ZBTB20: variants seen among roughly 807,000 people sequenced by gnomAD.
ZBTB20 encodes zinc finger and BTB domain-containing protein 20.
In ZBTB20, 9 loss-of-function variants were observed where a neutral mutation model predicts 56.9. The ratio of observed to expected loss-of-function variants is 0.16; its 90% CI spans 0.10 to 0.28. The LOEUF is 0.28. Ranked by LOEUF, ZBTB20 falls within the 10% of genes least tolerant of loss-of-function variation. The pLI is 1.00. For missense variants in ZBTB20, 655 were observed against 1,003.0 expected (o/e 0.65, Z 4.69); for synonymous variants, 417 against 420.7 (o/e 0.99, Z 0.11).
At chr3:114,499,879 G>C (rs1198042191) in intron 7 of ZBTB20, among the ~76,000 whole-genome samples, 1 of 151,940 alleles carries the variant, frequency 6.6e-6, no homozygotes, top group Non-Finnish European at 1.5e-5. Context: ...TTATTTTACA[G>C]TCTTGTACTT....
chr3:114,478,854 G>C (rs2041179095), intron 7 of ZBTB20, among the ~76,000 whole-genome samples: 3 of 152,086 alleles, frequency 2.0e-5, no homozygotes. Context: ...TTTATTCTGG[G>C]TTTAGGGAGG....
Position 114,339,607 on chromosome 3 carries a change from C to T in ZBTB20, c.1805-181G>A, listed in dbSNP as rs1296122417. On this transcript the variant is annotated intron_variant, in intron 11 of 11. Coordinates refer to ENST00000675478, the MANE Select transcript of ZBTB20 (RefSeq NM_001348800.3). This position sits in a 1 kb window ranked among gnomAD's most constrained non-coding sequence, Gnocchi z 4.2. Reference sequence around the variant, plus strand: ...CCAGGCCCTCCTAGCCTCTCATGTGCAGAGAAATTTTGCTTTATGGTGATG... The same window carrying T: ...CCAGGCCCTCCTAGCCTCTCATGTGTAGAGAAATTTTGCTTTATGGTGATG... Among the ~76,000 whole-genome samples, 2 of 152,184 alleles carry T rather than the reference C, an allele frequency of 1.3e-5. No individual in the cohort carries two copies. Among genetic ancestry groups the T allele is most frequent in the African/African-American group, 2.4e-5 (1 of 41,432 alleles).
At chr3:114,819,974 G>A (rs750298968) in intron 4 of ZBTB20, among the ~76,000 whole-genome samples, 112 of 151,770 alleles carry the variant, frequency 7.4e-4, no homozygotes, top group Non-Finnish European at 1.1e-3. Context: ...TATTTTGCCT[G>A]CAATTTGTCA....
In ZBTB20 at chr3:114,320,317, A is replaced by G. The variant is rs2078849799; in HGVS notation, c.*18688T>C. On this transcript the variant is annotated 3_prime_UTR_variant, in exon 12 of 12. Coordinates refer to ENST00000675478, the MANE Select transcript of ZBTB20 (RefSeq NM_001348800.3). ...TCCAATTTTATTTCCAGTGCATTAA[A>G]CAAATTTTAAATTAAAAGAAGAAAT... The G allele has an allele frequency of 6.6e-6, 1 of 152,176 alleles. No individual in the cohort carries two copies. Among genetic ancestry groups the G allele is most frequent in the African/African-American group, 2.4e-5 (1 of 41,452 alleles). 9.4% of individuals were successfully genotyped at this position (152,176 alleles called of 1,614,324 possible).
chr3:114,970,576 A>C (rs1038813762), intron 3 of ZBTB20, among the ~76,000 whole-genome samples: 1 of 152,212 alleles, frequency 6.6e-6, no homozygotes, highest in African/African-American at 2.4e-5. Context: ...AAAGCAAATA[A>C]GGTAAATGAT....
chr3:114,495,657 GTGTT>G (rs1400670279), intron 7 of ZBTB20, among the ~76,000 whole-genome samples: 4 of 151,942 alleles, frequency 2.6e-5, no homozygotes, highest in African/African-American at 7.3e-5. Flanking sequence ...TAGTCGATTG[GTGTT>G]CAGAGTGTTT....
intron 6 of ZBTB20, among the ~76,000 whole-genome samples, chr3:114,592,614 G>C (rs1004493933): frequency 1.3e-5 from 2 of 152,168 alleles, no homozygotes; most frequent in Non-Finnish European, 1.5e-5. Flanking sequence ...ATCAGCCATA[G>C]AGCACCATTT....
At chr3:114,934,597 G>C (rs1255583865) in intron 3 of ZBTB20, among the ~76,000 whole-genome samples, 1 of 151,892 alleles carries the variant, frequency 6.6e-6, no homozygotes, top group East Asian at 1.9e-4. Flanking sequence ...GAAGCTGCAG[G>C]CAAGATTTAT....
At chr3:114,436,072 C>A (rs1216779196) in intron 7 of ZBTB20, among the ~76,000 whole-genome samples, 3 of 152,190 alleles carry the variant, frequency 2.0e-5, no homozygotes, top group Admixed American at 2.0e-4. Context: ...CTGGTGCAAT[C>A]CACCTTCCCA....
chr3:114,707,541 T>C (rs115083449), intron 5 of ZBTB20, among the ~76,000 whole-genome samples: 1,949 of 152,264 alleles, frequency 0.013, 42 homozygotes, highest in African/African-American at 0.043. Flanking sequence ...AGTCTTCATA[T>C]ACATGCCCGA....
intron 3 of ZBTB20, among the ~76,000 whole-genome samples, chr3:114,974,030 AAC>A (rs1576463917): frequency 6.6e-6 from 1 of 151,874 alleles, no homozygotes; most frequent in African/African-American, 2.4e-5. Context: ...TTAACAAAAG[AAC>A]ACAGTTTAAA....
chr3:114,832,809 G>A (rs2073925432), intron 4 of ZBTB20, among the ~76,000 whole-genome samples: 1 of 152,136 alleles, frequency 6.6e-6, no homozygotes, highest in Non-Finnish European at 1.5e-5. Flanking sequence ...AAATATTAAC[G>A]AATATTTTAG....
intron 1 of ZBTB20, among the ~76,000 whole-genome samples, chr3:115,093,303 G>A (rs2083264478): frequency 6.6e-6 from 1 of 152,208 alleles, no homozygotes; most frequent in East Asian, 1.9e-4. Context: ...AAACTACTGT[G>A]TATAGGCCGT....
chr3:114,694,221 G>A (rs1176861705), intron 5 of ZBTB20, among the ~76,000 whole-genome samples: 3 of 151,956 alleles, frequency 2.0e-5, no homozygotes, highest in African/African-American at 4.8e-5. Context: ...TCTTTTATGC[G>A]AAGTCATAGA....
intron 7 of ZBTB20, among the ~76,000 whole-genome samples, chr3:114,412,181 C>T (rs2088031120): frequency 6.6e-6 from 1 of 152,054 alleles, no homozygotes. Flanking sequence ...AAGGCCAGTC[C>T]CTGCTCTACA....
chr3:115,143,549 A>G (rs1232077503), intron 1 of ZBTB20, among the ~76,000 whole-genome samples: 1 of 152,156 alleles, frequency 6.6e-6, no homozygotes, highest in Non-Finnish European at 1.5e-5. Context: ...TAGGTACTTG[A>G]TTTTTCAGAT....
At chr3:114,985,265 C>T (rs2078488623) in intron 2 of ZBTB20, among the ~76,000 whole-genome samples, 1 of 151,994 alleles carries the variant, frequency 6.6e-6, no homozygotes, top group Non-Finnish European at 1.5e-5. Flanking sequence ...AATGAATTTA[C>T]AGAAATCGTT....
At chr3:114,364,190 A>G (rs953487103) in intron 10 of ZBTB20, among the ~76,000 whole-genome samples, 1 of 152,114 alleles carries the variant, frequency 6.6e-6, no homozygotes, top group Non-Finnish European at 1.5e-5. Flanking sequence ...GTTGGCTCAC[A>G]CCTGCAATCC....
chr3:114,802,533 G>A (rs960822203), intron 4 of ZBTB20, among the ~76,000 whole-genome samples: 11 of 151,742 alleles, frequency 7.2e-5, no homozygotes, highest in Admixed American at 7.2e-4. Flanking sequence ...CCTCTCACAT[G>A]CCTGAATTAG....
Sources: gnomAD v4.1 joint callset for allele counts (sites outside exome capture counted in the v4.1 genomes callset) on GRCh38, gnomAD v4.1.1 for gene constraint, Gnocchi (gnomAD v3.1) non-coding constraint, MANE v1.5 for transcripts, NCBI Gene and HGNC (gene_info 2026-07-23, HGNC 2026-07-21) for gene names.